PKD2L2: variants seen among roughly 807,000 people sequenced by gnomAD.
PKD2L2 encodes the protein polycystin 2 like 2, transient receptor potential cation channel, also known as polycystin-2-like protein 2.
Under a neutral mutation model 83.9 loss-of-function variants are expected in PKD2L2, and 67 were observed. The observed-to-expected ratio is 0.80, with a 90% CI of 0.66 to 0.98. The LOEUF (loss-of-function observed/expected upper bound fraction) is 0.98, where lower values mean the gene tolerates loss of function less well. Among genes scored for constraint, PKD2L2 ranks in the 50% least tolerant of loss-of-function variants. The probability of loss-of-function intolerance (pLI) is 0.00; values close to 1 mark genes in which losing one functional copy is unlikely to be tolerated. For synonymous variants in PKD2L2, 223 were observed against 237.8 expected (o/e 0.94, Z 0.57); for missense variants, 632 against 717.2 (o/e 0.88, Z 1.36).
chr5:137,909,981 A>G (rs1757680820), intron 8 of PKD2L2, among the ~76,000 whole-genome samples: 1 of 152,068 alleles, frequency 6.6e-6, no homozygotes, highest in Non-Finnish European at 1.5e-5. Context: ...TCCCAGCATT[A>G]GGGAGGCCAA....
intron 8 of PKD2L2, among the ~76,000 whole-genome samples, chr5:137,911,941 T>C (rs1188398755): frequency 6.6e-6 from 1 of 152,228 alleles, no homozygotes; most frequent in Non-Finnish European, 1.5e-5. Flanking sequence ...TTTCACTTAA[T>C]ATGATGGTCC....
chr5:137,912,921 C>T (rs1580938586), intron 8 of PKD2L2, among the ~76,000 whole-genome samples: 1 of 147,286 alleles, frequency 6.8e-6, no homozygotes, highest in South Asian at 2.2e-4. Context: ...TCTCCTGGCT[C>T]AGCCTCCCAA....
At chr5:137,939,926 A>G in intron 14 of PKD2L2, 1 of 1,344,546 alleles carries the variant, frequency 7.4e-7, no homozygotes, top group Admixed American at 3.6e-5. Flanking sequence ...AGTTGAAAGG[A>G]TAAAATTCCA....
In PKD2L2 at chr5:137,907,722, C is replaced by T; in HGVS notation, c.976-20C>T. On this transcript the variant is annotated intron_variant, in intron 6 of 14. Coordinates refer to ENST00000508883, the MANE Select transcript of PKD2L2 (RefSeq NM_001300921.2). ...GGTAGAGATATTCTCTAATTTAACC[C>T]TTCTTATTTTCCCATTTAGTTGTGT... The T allele has an allele frequency of 1.4e-6, 2 of 1,400,930 alleles. No homozygotes were observed. The highest frequency in any genetic ancestry group is 1.8e-5 in the South Asian group (1 of 56,768). The allele number at this position is 1,400,930 out of a possible 1,614,324, so 86.8% of individuals were successfully genotyped here.
chr5:137,921,826 A>G, intron 9 of PKD2L2, 70 bp downstream of exon 9: 1 of 1,159,440 alleles, frequency 8.6e-7, no homozygotes, highest in South Asian at 1.4e-5. Context: ...CATTTAGAAT[A>G]AACTATTATT....
At chr5:137,899,145 G>T (rs879642529) in intron 4 of PKD2L2, among the ~76,000 whole-genome samples, 1 of 151,984 alleles carries the variant, frequency 6.6e-6, no homozygotes, top group Non-Finnish European at 1.5e-5. Context: ...TTGAGACAAG[G>T]TCTGGCTCTT....
chr5:137,935,155 C>T (rs533323799), intron 12 of PKD2L2, among the ~76,000 whole-genome samples: 2 of 152,268 alleles, frequency 1.3e-5, no homozygotes, highest in African/African-American at 2.4e-5. Flanking sequence ...TTTTCTAGTG[C>T]TATGGTTATT....
intron 5 of PKD2L2, among the ~76,000 whole-genome samples, chr5:137,902,441 C>A (rs1265221324): frequency 6.6e-6 from 1 of 152,148 alleles, no homozygotes; most frequent in Non-Finnish European, 1.5e-5. Context: ...TTCCCCTCCT[C>A]CTCCTCAGCC....
chr5:137,892,642 T>G (rs768449736), intron 3 of PKD2L2, 29 bp downstream of exon 3: 2 of 1,591,846 alleles, frequency 1.3e-6, no homozygotes, highest in South Asian at 2.3e-5. Flanking sequence ...GTGGATGAAG[T>G]AGATTTAGGT....
At chr5:137,912,436 G>C (rs184059268) in intron 8 of PKD2L2, among the ~76,000 whole-genome samples, 65 of 151,600 alleles carry the variant, frequency 4.3e-4, no homozygotes, top group Non-Finnish European at 8.8e-4. Flanking sequence ...GCATGATCTC[G>C]GCTCACTGTA....
Position 137,939,994 on chromosome 5 carries a change from G to A in PKD2L2, c.*18-2390G>A, listed in dbSNP as rs1286917487. The A allele has an allele frequency of 3.2e-6, 5 of 1,580,704 alleles. No individual in the cohort carries two copies. The African/African-American group carries it at 4.1e-5, about 13-fold the overall frequency. On this transcript the variant is annotated intron_variant, in intron 14 of 14. Transcript: ENST00000508883. ...AAACAATGAAGTAAACCATATGTTT[G>A]CTAAAGGTGGAGAGGACAGTCTGTG...
intron 8 of PKD2L2, among the ~76,000 whole-genome samples, chr5:137,917,497 A>G (rs1218311739): frequency 3.3e-5 from 5 of 152,180 alleles, no homozygotes; most frequent in Admixed American, 2.0e-4. Flanking sequence ...CTCAGACTCA[A>G]TAATGTCAAT....
chr5:137,934,142 C>G (rs767129083), intron 12 of PKD2L2, among the ~76,000 whole-genome samples: 2 of 152,106 alleles, frequency 1.3e-5, no homozygotes, highest in Non-Finnish European at 2.9e-5. Flanking sequence ...CATCCAGAGA[C>G]AACTAACTGC....
intron 7 of PKD2L2, 127 bp downstream of exon 7, chr5:137,908,039 G>A (rs1757502606): frequency 4.1e-6 from 2 of 484,280 alleles, no homozygotes; most frequent in Non-Finnish European, 7.1e-6. Context: ...GTTTGGGCCA[G>A]CACAGTGGCT....
chr5:137,907,651 T>A, intron 6 of PKD2L2, 91 bp from the exon 7 acceptor site: 2 of 685,694 alleles, frequency 2.9e-6, no homozygotes, highest in Non-Finnish European at 4.5e-6. Flanking sequence ...GTTAAACTTT[T>A]GATGAACTTT....
chr5:137,935,575 C>T (rs1045465071), intron 12 of PKD2L2, among the ~76,000 whole-genome samples: 1 of 152,084 alleles, frequency 6.6e-6, no homozygotes, highest in African/African-American at 2.4e-5. Context: ...ACAAAGCTTC[C>T]CTAACTATGC....
At chr5:137,922,690 A>T (rs1224135813) in intron 9 of PKD2L2, among the ~76,000 whole-genome samples, 1 of 152,102 alleles carries the variant, frequency 6.6e-6, no homozygotes, top group Non-Finnish European at 1.5e-5. Context: ...ATGAGCTGAG[A>T]TCGCACAACT....
In PKD2L2 at chr5:137,941,993, G is replaced by A. The variant is rs749953265; in HGVS notation, c.*18-391G>A. The A allele has an allele frequency of 4.6e-5, 74 of 1,613,844 alleles. 1 individual carries two copies. The highest frequency in any genetic ancestry group is 9.9e-5 in the South Asian group (9 of 91,072). ...TCTTCAAATTCCCGCAACGTTTTGC[G>A]TAGTTTCTTTTTTTCAGCTCTGGCT... is the stretch of plus-strand genomic sequence containing the variant. On this transcript the variant is annotated intron_variant, in intron 14 of 14. Coordinates refer to ENST00000508883, the MANE Select transcript of PKD2L2 (RefSeq NM_001300921.2).
At position 137,889,578 on chromosome 5, in the gene PKD2L2, A is replaced by C. The variant is rs983421338; in HGVS notation, c.31+56A>C. The C allele has an allele frequency of 1.2e-5, 18 of 1,445,966 alleles. No individual in the cohort carries two copies. In the East Asian group the frequency reaches 4.9e-4, roughly 40 times the overall value. The allele number at this position is 1,445,966 out of a possible 1,614,324, so 89.6% of individuals were successfully genotyped here. ...CAGGGGCGATTTGGCAGTTCCAGAC[A>C]CCCTGAAAGGAACTCTGCGGCCCCA... On this transcript the variant is annotated intron_variant, in intron 1 of 14. Transcript: ENST00000508883.
Sources: allele counts gnomAD v4.1 joint callset (sites outside exome capture counted in the v4.1 genomes callset), GRCh38; gene constraint gnomAD v4.1.1; transcripts MANE v1.5; gene names NCBI Gene and HGNC (gene_info 2026-07-23, HGNC 2026-07-21).